GCLM: variants seen among roughly 807,000 people sequenced by gnomAD.
The protein encoded by GCLM is glutamate--cysteine ligase regulatory subunit.
In GCLM, 15 loss-of-function variants were observed where a neutral mutation model predicts 36.0. The observed-to-expected ratio is 0.42, with a 90% CI of 0.28 to 0.64. The LOEUF (loss-of-function observed/expected upper bound fraction) is 0.64. GCLM is among the 30% of genes least tolerant of loss of function. The pLI, the probability that GCLM is intolerant of heterozygous loss-of-function variation, is 0.25. For synonymous variants in GCLM, 129 were observed against 122.8 expected, an observed-to-expected ratio of 1.05 and a Z score of -0.34; for missense variants, 242 against 325.5, an observed-to-expected ratio of 0.74 and a Z score of 1.97.
intron 3 of GCLM, among the ~76,000 whole-genome samples, chr1:93,898,322 A>AAAAAAAAAAAAAAAAAAAAAAC (rs1656812584): frequency 6.8e-6 from 1 of 147,908 alleles, no homozygotes. Context: ...AAAAAAAAAA[A>AAAAAAAAAAAAAAAAAAAAAAC]AAAAAAAGGC....
intron 6 of GCLM, among the ~76,000 whole-genome samples, chr1:93,893,952 T>A (rs868016443): frequency 6.6e-6 from 1 of 152,150 alleles, no homozygotes; most frequent in South Asian, 2.1e-4. Context: ...CAGATATTTA[T>A]CTCCTTGAAT....
chr1:93,905,356 C>T (rs1459548395), intron 1 of GCLM, among the ~76,000 whole-genome samples: 1 of 152,150 alleles, frequency 6.6e-6, no homozygotes, highest in Non-Finnish European at 1.5e-5. Context: ...ACCTCAGATT[C>T]ACCTGTGCTG....
At position 93,888,370 on chromosome 1, in the gene GCLM, A is replaced by G. The variant is rs1355691263; in HGVS notation, c.*620T>C. ...TTGTCTTTATAAGTAATAAAAAGAC[A>G]GAATATGGCACAAGAATACAAGGTT... is the stretch of plus-strand genomic sequence containing the variant. On this transcript the variant is annotated 3_prime_UTR_variant, in exon 7 of 7. Coordinates refer to ENST00000370238, the MANE Select transcript of GCLM (RefSeq NM_002061.4). 2.0e-5 allele frequency: 3 copies of G among 152,238 alleles called. No individual in the cohort carries two copies. Among genetic ancestry groups the G allele is most frequent in the Non-Finnish European group, 2.9e-5 (2 of 68,036 alleles). The allele number at this position is 152,238 out of a possible 1,614,324, so 9.4% of individuals were successfully genotyped here. A position where few individuals can be genotyped will look rare whatever the true frequency, so the allele number is the denominator to read the frequency against.
Position 93,909,176 on chromosome 1 carries a change from C to CCATGG in GCLM, c.-14_-13insCCATG. 7.9e-7 allele frequency: 1 copy of CCATGG among 1,260,676 alleles called. No homozygotes were observed. The highest frequency in any genetic ancestry group is 4.1e-5 in the Admixed American group (1 of 24,518). 78.1% of individuals were successfully genotyped at this position (1,260,676 alleles called of 1,614,324 possible). A position where few individuals can be genotyped will look rare whatever the true frequency, so the allele number is the denominator to read the frequency against. On this transcript the variant is annotated 5_prime_UTR_variant, in exon 1 of 7. In the 5' UTR this introduces an upstream ATG that the reference lacks. Transcript: ENST00000370238. ...TGTCGGTGCCCATGGCAGCGGCCGC[C>CCATGG]CAGGGGCCGCGCAGCGAAGGGGCTG...
rs1397166844 is a variant in GCLM at position 93,885,753 on chromosome 1, T to C, written c.*3237A>G. 1 of 152,008 alleles carries C rather than the reference T, an allele frequency of 6.6e-6. No individual in the cohort carries two copies. Among genetic ancestry groups the C allele is most frequent in the African/African-American group, 2.4e-5 (1 of 41,318 alleles). The allele number at this position is 152,008 out of a possible 1,614,324, so 9.4% of individuals were successfully genotyped here. A position where few individuals can be genotyped will look rare whatever the true frequency, so the allele number is the denominator to read the frequency against. ...GGATGAACTGCTAGCCAACATACAATAAATATATCAATTGTTTACATTCCC... is the reference window on the plus strand; with the variant it reads ...GGATGAACTGCTAGCCAACATACAACAAATATATCAATTGTTTACATTCCC... On this transcript the variant is annotated 3_prime_UTR_variant, in exon 7 of 7. Transcript: ENST00000370238.
intron 6 of GCLM, among the ~76,000 whole-genome samples, chr1:93,890,570 C>T (rs940036339): frequency 1.3e-5 from 2 of 152,034 alleles, no homozygotes; most frequent in East Asian, 3.8e-4. Context: ...TTTCTTTAAG[C>T]ATTTGAATAC....
rs1656295052 is a variant in GCLM, at chr1:93,886,203, A to G, written c.*2787T>C. 7.5e-6 allele frequency: 1 copy of G among 133,752 alleles called. No homozygotes were observed. Among genetic ancestry groups the G allele is most frequent in the Admixed American group, 7.8e-5 (1 of 12,862 alleles). The allele number at this position is 133,752 out of a possible 1,614,324, so 8.3% of individuals were successfully genotyped here. On this transcript the variant is annotated 3_prime_UTR_variant, in exon 7 of 7. Transcript: ENST00000370238. Reference sequence around the variant, plus strand: ...ACTGTATTTTGGACATGTAATAAACAAGCTACAGCTTTTTTTTTCATATTT... The same window carrying G: ...ACTGTATTTTGGACATGTAATAAACGAGCTACAGCTTTTTTTTTCATATTT...
intron 3 of GCLM, among the ~76,000 whole-genome samples, chr1:93,900,130 C>T (rs1656893066): frequency 6.6e-6 from 1 of 152,120 alleles, no homozygotes; most frequent in East Asian, 1.9e-4. Context: ...ATTGAACAGC[C>T]ATCCTAGCTT....
rs1386205010 is a variant in GCLM at position 93,888,835 on chromosome 1, T to TA, written c.*154dup. 6.2e-6 allele frequency: 3 copies of TA among 480,126 alleles called. No individual in the cohort carries two copies. The highest frequency in any genetic ancestry group is 1.1e-5 in the Non-Finnish European group (3 of 271,506). 29.7% of individuals were successfully genotyped at this position (480,126 alleles called of 1,614,324 possible). Reference sequence around the variant, plus strand: ...AGAATGGATTGATATGGAGGCAAGATAAGTATTTAAAACTTGACAGACAAC... The same window carrying TA: ...AGAATGGATTGATATGGAGGCAAGATAAAGTATTTAAAACTTGACAGACAAC... On this transcript the variant is annotated 3_prime_UTR_variant, in exon 7 of 7. Coordinates refer to ENST00000370238, the MANE Select transcript of GCLM (RefSeq NM_002061.4).
intron 3 of GCLM, among the ~76,000 whole-genome samples, chr1:93,899,561 T>G (rs926496304): frequency 6.6e-5 from 10 of 152,344 alleles, no homozygotes; most frequent in African/African-American, 2.4e-4. Context: ...AGCATTATAC[T>G]ATATAATTTC....
chr1:93,908,978 C>A (rs1657253627), intron 1 of GCLM, 60 bp downstream of exon 1: 1 of 1,337,212 alleles, frequency 7.5e-7, no homozygotes, highest in East Asian at 3.2e-5. Context: ...CTTGCCGGAA[C>A]CGCCCGGCCC....
rs1241662740 is a variant in GCLM, at chr1:93,887,322, C to G, written c.*1668G>C. ...CACATAATTTTAATGATCAAATTAC[C>G]CAATCAGTAAACCACAAAATCCTAC... On this transcript the variant is annotated 3_prime_UTR_variant, in exon 7 of 7. Transcript: ENST00000370238. 1 of 151,894 alleles carries G rather than the reference C, an allele frequency of 6.6e-6. No individual in the cohort carries two copies. Among genetic ancestry groups the G allele is most frequent in the Non-Finnish European group, 1.5e-5 (1 of 68,000 alleles). 9.4% of individuals were successfully genotyped at this position (151,894 alleles called of 1,614,324 possible). A position where few individuals can be genotyped will look rare whatever the true frequency, so the allele number is the denominator to read the frequency against.
chr1:93,894,998 C>G (rs1008414478), intron 5 of GCLM, among the ~76,000 whole-genome samples: 2 of 138,722 alleles, frequency 1.4e-5, no homozygotes, highest in Admixed American at 6.9e-5. Context: ...AACGAAAAAG[C>G]CAACAGTACT....
intron 1 of GCLM, among the ~76,000 whole-genome samples, chr1:93,907,143 G>A (rs1657173050): frequency 6.6e-6 from 1 of 152,174 alleles, no homozygotes. Context: ...GGAGCTCTGG[G>A]TGTTACAAAG....
At chr1:93,899,095 CT>C (rs60469628) in intron 3 of GCLM, among the ~76,000 whole-genome samples, 40 of 147,604 alleles carry the variant, frequency 2.7e-4, no homozygotes, top group Non-Finnish European at 2.9e-4. Flanking sequence ...ATTTTACATA[CT>C]TTTTTTTTTT....
At position 93,890,879 on chromosome 1, in the gene GCLM, AT is replaced by A. The variant is rs111797625; in HGVS notation, c.656-1721del. Among the ~76,000 whole-genome samples the A allele has an allele frequency of 5.0e-3, 683 of 135,476 alleles. 1 individual carries two copies. The highest frequency in any genetic ancestry group is 0.01 in the African/African-American group (381 of 36,958). The allele number at this position is 135,476 out of a possible 152,430, so 88.9% of individuals were successfully genotyped here. A position where few individuals can be genotyped will look rare whatever the true frequency, so the allele number is the denominator to read the frequency against. ...AGTGCCAATTCTTTTTTTCTTTTCT[AT>A]TTTTTTTTTTTTTTGAGGCAATGTC... On this transcript the variant is annotated intron_variant, in intron 6 of 6. Coordinates refer to ENST00000370238, the MANE Select transcript of GCLM (RefSeq NM_002061.4).
chr1:93,902,929 A>C lies in GCLM; in HGVS notation c.193-1260T>G, dbSNP rs139776464. Among the ~76,000 whole-genome samples the C allele has an allele frequency of 1.7e-3, 255 of 152,256 alleles. 3 individuals are homozygous for C. Among genetic ancestry groups the C allele is most frequent in the East Asian group, 8.3e-3 (43 of 5,192 alleles). On this transcript the variant is annotated intron_variant, in intron 2 of 6. Coordinates refer to ENST00000370238, the MANE Select transcript of GCLM (RefSeq NM_002061.4). Reference sequence around the variant, plus strand: ...TTTTGTTTTTTCCAGAATATCAAATAGTTGATATCATACATTATGTAGCTT... The same window carrying C: ...TTTTGTTTTTTCCAGAATATCAAATCGTTGATATCATACATTATGTAGCTT...
intron 2 of GCLM, among the ~76,000 whole-genome samples, chr1:93,903,676 C>T (rs1657044351): frequency 6.6e-6 from 1 of 152,052 alleles, no homozygotes; most frequent in Non-Finnish European, 1.5e-5. Context: ...CAGAAAAAAG[C>T]AAAGGCTATT....
At chr1:93,897,151 C>T (rs1480196061) in intron 4 of GCLM, among the ~76,000 whole-genome samples, 2 of 152,094 alleles carry the variant, frequency 1.3e-5, no homozygotes, top group Non-Finnish European at 2.9e-5. Context: ...TTAGTAGCTC[C>T]CTTATCTTCA....
Sources: gnomAD v4.1 joint callset for allele counts (sites outside exome capture counted in the v4.1 genomes callset) on GRCh38, gnomAD v4.1.1 for gene constraint, MANE v1.5 for transcripts, NCBI Gene and HGNC (gene_info 2026-07-23, HGNC 2026-07-21) for gene names.